The following ZSCAN31 variants were observed in gnomAD, a reference collection of about 807,000 sequenced individuals.
The protein encoded by ZSCAN31 is zinc finger and SCAN domain containing 31.
Under a neutral mutation model 22.5 loss-of-function variants are expected in ZSCAN31, and 14 were observed. The ratio of observed to expected loss-of-function variants is 0.62; its 90% confidence interval spans 0.41 to 0.97. The LOEUF (loss-of-function observed/expected upper bound fraction) is 0.97, where lower values mean the gene tolerates loss of function less well. Among genes scored for constraint, ZSCAN31 ranks in the 50% least tolerant of loss-of-function variants. ZSCAN31 has a pLI of 0.00. For synonymous variants in ZSCAN31, 168 were observed against 169.8 expected (o/e 0.99, Z 0.08); for missense variants, 424 against 483.4 (o/e 0.88, Z 1.15).
At chr6:28,355,586 C>G (rs1765371073), upstream of ZSCAN31, 1 of 152,226 alleles carries the variant, frequency 6.6e-6, no homozygotes, top group Non-Finnish European at 1.5e-5. Flanking sequence ...GGGCTTGTGC[C>G]TGCTGAATAG....
chr6:28,337,571 A>G (rs769702123), upstream of ZSCAN31, among the ~76,000 whole-genome samples: 1 of 152,220 alleles, frequency 6.6e-6, no homozygotes. Flanking sequence ...CATTAATTAT[A>G]TAGATTCCCA....
chr6:28,327,594 A>C, intron 2 of ZSCAN31, 61 bp from the exon 3 acceptor site: 1 of 1,523,448 alleles, frequency 6.6e-7, no homozygotes, highest in Non-Finnish European at 8.9e-7. Flanking sequence ...AGCTAATACT[A>C]AATGAAAGAT....
intron 1 of ZSCAN31, among the ~76,000 whole-genome samples, chr6:28,330,736 T>A (rs1037393141): frequency 6.6e-6 from 1 of 152,114 alleles, no homozygotes; most frequent in Non-Finnish European, 1.5e-5. Context: ...GAACAGGATA[T>A]ATAAAACCAG....
intron 1 of ZSCAN31, among the ~76,000 whole-genome samples, chr6:28,332,585 A>C (rs1032674194): frequency 6.6e-6 from 1 of 152,278 alleles, no homozygotes; most frequent in Admixed American, 6.5e-5. Flanking sequence ...CAATCATTAC[A>C]TAAATATCAA....
At chr6:28,353,722 C>T (rs1306676603) in intron 2 of ZSCAN31, 9 of 416,460 alleles carry the variant, frequency 2.2e-5, no homozygotes, top group African/African-American at 1.4e-4. Context: ...TAAAACCTTG[C>T]GAGTGATTAA....
intron 2 of ZSCAN31, among the ~76,000 whole-genome samples, chr6:28,345,866 C>T (rs574098840): frequency 6.6e-5 from 10 of 152,166 alleles, no homozygotes; most frequent in Admixed American, 2.0e-4. Context: ...TACCCTGAAA[C>T]AATGGGGTGT....
chr6:28,325,077 C>G lies in ZSCAN31; in HGVS notation c.*1089G>C, dbSNP rs2113772099. On this transcript the variant is annotated 3_prime_UTR_variant, in exon 4 of 4. Transcript: ENST00000344279. ...AGATAACTTGCCTAAAGTCCCACAGCTCACAAATGGGGAGGAAAGATTTGA... is the reference window on the plus strand; with the variant it reads ...AGATAACTTGCCTAAAGTCCCACAGGTCACAAATGGGGAGGAAAGATTTGA... 6.6e-6 allele frequency: 1 copy of G among 152,294 alleles called. No individual in the cohort carries two copies. Among genetic ancestry groups the G allele is most frequent in the African/African-American group, 2.4e-5 (1 of 41,544 alleles). 9.4% of individuals were successfully genotyped at this position (152,294 alleles called of 1,614,324 possible).
chr6:28,330,709 T>C (rs1427000534), intron 1 of ZSCAN31, among the ~76,000 whole-genome samples: 1 of 152,178 alleles, frequency 6.6e-6, no homozygotes, highest in Non-Finnish European at 1.5e-5. Flanking sequence ...TATGTGTATA[T>C]GGTAGCTCTA....
At position 28,333,964 on chromosome 6, in the gene ZSCAN31, A is replaced by G. The variant is rs1763949747; in HGVS notation, c.-96+2118T>C. Among the ~76,000 whole-genome samples the G allele has an allele frequency of 6.6e-6, 1 of 152,166 alleles. No homozygotes were observed. Among genetic ancestry groups the G allele is most frequent in the South Asian group, 2.1e-4 (1 of 4,818 alleles). The stretch of plus-strand genomic sequence containing the variant: ...AAGCAGAAAGCAAGAGTAGAAGCAG[A>G]AGAGGCAAGAGTTAAAAAAAAGGGT... On this transcript the variant is annotated intron_variant, in intron 1 of 3. Coordinates refer to ENST00000344279, the MANE Select transcript of ZSCAN31 (RefSeq NM_030899.5). The surrounding 1 kb of genome is among the most constrained non-coding windows in gnomAD (Gnocchi z 4.1).
chr6:28,352,958 CTTTTTCTTTTTT>C (rs199945240), intron 2 of ZSCAN31, among the ~76,000 whole-genome samples: 2,762 of 138,452 alleles, frequency 0.02, 101 homozygotes, highest in African/African-American at 0.073. Context: ...CTTTTCTTTT[CTTTTTCTTTTTT>C]TTTTTTTTTT....
chr6:28,345,168 AAAAAG>A (rs199518323), intron 2 of ZSCAN31, among the ~76,000 whole-genome samples: 11,007 of 149,528 alleles, frequency 0.074, 603 homozygotes, highest in African/African-American at 0.13. Context: ...AAAGAAAAAG[AAAAAG>A]AAAAGAAAAG....
chr6:28,338,502 T>C (rs976893813), upstream of ZSCAN31, among the ~76,000 whole-genome samples: 1 of 152,100 alleles, frequency 6.6e-6, no homozygotes, highest in Non-Finnish European at 1.5e-5. Context: ...TCTCGTTCTG[T>C]CAACTAAGCT....
chr6:28,346,544 A>T (rs1324368263), intron 2 of ZSCAN31, among the ~76,000 whole-genome samples: 1 of 151,784 alleles, frequency 6.6e-6, no homozygotes, highest in African/African-American at 2.4e-5. Context: ...TTTAGTAGAG[A>T]CGGGGTTTCA....
At chr6:28,353,532 G>A (rs1271794184) in intron 2 of ZSCAN31, 2 of 188,244 alleles carry the variant, frequency 1.1e-5, no homozygotes, top group African/African-American at 4.7e-5. Context: ...GACGAAACCT[G>A]ATGGCTGGTG....
rs1209416166 is a variant in ZSCAN31, at chr6:28,333,449, A to G, written c.-96+2633T>C. Among the ~76,000 whole-genome samples, 1 of 152,246 alleles carries G rather than the reference A, an allele frequency of 6.6e-6. No individual in the cohort carries two copies. The highest frequency in any genetic ancestry group is 1.5e-5 in the Non-Finnish European group (1 of 68,046). ...TTAACGGGGAAGACAAACCAAAAAT[A>G]AAAGCAACAACAAAAATAAGTAAGG... On this transcript the variant is annotated intron_variant, in intron 1 of 3. Coordinates refer to ENST00000344279, the MANE Select transcript of ZSCAN31 (RefSeq NM_030899.5). This position sits in a 1 kb window ranked among gnomAD's most constrained non-coding sequence, Gnocchi z 4.1.
chr6:28,354,889 T>A (rs1017605508), upstream of ZSCAN31, among the ~76,000 whole-genome samples: 5 of 152,256 alleles, frequency 3.3e-5, no homozygotes, highest in East Asian at 1.9e-4. Flanking sequence ...TAAGCCTTGA[T>A]AAACTGCCCA....
rs1192103701 is a variant in ZSCAN31, at chr6:28,326,211, T to C, written c.1176A>G (p.Thr392=). ...SQCSKLFSKR[T]LLKKHQKIHT... The stretch of plus-strand genomic sequence containing the variant: ...GGATTTTCTGATGTTTCTTAAGAAG[T>C]GTCCGCTTACTAAAGAGTTTACTGC... The change falls in exon 4 of 4, where the codon ACA becomes ACG. Residue 392 remains threonine, a synonymous_variant. Coordinates refer to ENST00000344279, the MANE Select transcript of ZSCAN31 (RefSeq NM_030899.5). The C allele has an allele frequency of 6.2e-7, 1 of 1,613,560 alleles. No individual in the cohort carries two copies. Among genetic ancestry groups the C allele is most frequent in the South Asian group, 1.1e-5 (1 of 91,058 alleles).
At chr6:28,350,100 G>GTGTGTGTGTGTGTGTGTGTGTGTT (rs1764878022) in intron 2 of ZSCAN31, 1 of 152,484 alleles carries the variant, frequency 6.6e-6, no homozygotes, top group African/African-American at 2.4e-5. Context: ...GTGTGTGTGT[G>GTGTGTGTGTGTGTGTGTGTGTGTT]TGTGTGTGTG....
chr6:28,332,688 T>C (rs1360802513), intron 1 of ZSCAN31, among the ~76,000 whole-genome samples: 2 of 152,236 alleles, frequency 1.3e-5, no homozygotes, highest in Non-Finnish European at 2.9e-5. Flanking sequence ...ATTGACTTCA[T>C]ATGTTAATAG....
Sources: allele counts gnomAD v4.1 joint callset (sites outside exome capture counted in the v4.1 genomes callset), GRCh38; gene constraint gnomAD v4.1.1; non-coding constraint Gnocchi (gnomAD v3.1); transcripts MANE v1.5; gene names NCBI Gene and HGNC (gene_info 2026-07-23, HGNC 2026-07-21).